Variants in KLHL3 observed in about 807,000 individuals in gnomAD.
KLHL3 encodes the protein kelch like family member 3.
In KLHL3, 19 loss-of-function variants were observed where a neutral mutation model predicts 70.5. The observed-to-expected ratio is 0.27, with a 90% CI of 0.19 to 0.40. The LOEUF (loss-of-function observed/expected upper bound fraction) is 0.40, where lower values mean the gene tolerates loss of function less well. Among genes scored for constraint, KLHL3 ranks in the 10% least tolerant of loss-of-function variants. KLHL3 has a pLI of 1.00. For missense variants in KLHL3, 512 were observed against 771.1 expected (o/e 0.66, Z 3.98); for synonymous variants, 258 against 290.3 (o/e 0.89, Z 1.13).
chr5:137,647,132 C>T lies in KLHL3; in HGVS notation c.904-7155G>A, dbSNP rs530697437. The stretch of plus-strand genomic sequence containing the variant: ...ACTGTCATTTTGAAAAGTCAAATAG[C>T]CATTTATTTTAGGAAGATTAGTGAG... On this transcript the variant is annotated intron_variant, in intron 8 of 14. Coordinates refer to ENST00000309755, the MANE Select transcript of KLHL3 (RefSeq NM_017415.3). Among the ~76,000 whole-genome samples, 109 of 152,244 alleles carry T rather than the reference C, an allele frequency of 7.2e-4. 1 individual carries two copies. The highest frequency in any genetic ancestry group is 3.1e-3 in the Admixed American group (48 of 15,284).
At chr5:137,692,474 T>A (rs1433020247) in intron 4 of KLHL3, 27 bp from the exon 5 acceptor site, 1 of 1,612,114 alleles carries the variant, frequency 6.2e-7, no homozygotes, top group Non-Finnish European at 8.5e-7. Flanking sequence ...CATTCTCAGA[T>A]ATTGGATCCC....
At chr5:137,636,473 G>C (rs73790009) in intron 11 of KLHL3, among the ~76,000 whole-genome samples, 1 of 152,118 alleles carries the variant, frequency 6.6e-6, no homozygotes, top group African/African-American at 2.4e-5. Context: ...TCTATGCTTT[G>C]GTACATTGAA....
intron 6 of KLHL3, 93 bp downstream of exon 6, chr5:137,677,452 A>AAAAAG (rs1751912149): frequency 1.3e-6 from 1 of 758,484 alleles, no homozygotes; most frequent in Admixed American, 2.5e-5. Context: ...CATCTCAAAA[A>AAAAAG]AAAAGAAAAG....
intron 5 of KLHL3, among the ~76,000 whole-genome samples, chr5:137,680,790 C>T (rs568516260): frequency 2.4e-3 from 372 of 152,174 alleles, no homozygotes; most frequent in Non-Finnish European, 3.7e-3. Context: ...ATGATCCACC[C>T]GCCTCAGTCT....
chr5:137,641,707 C>G (rs888415570), intron 8 of KLHL3, among the ~76,000 whole-genome samples: 4 of 152,198 alleles, frequency 2.6e-5, no homozygotes, highest in Admixed American at 1.3e-4. Context: ...TATTCCAGAA[C>G]AGGCTCACCC....
In KLHL3 at chr5:137,658,285, A is replaced by T; in HGVS notation, c.754-5T>A. 6.2e-7 allele frequency: 1 copy of T among 1,613,924 alleles called. No homozygotes were observed. Among genetic ancestry groups the T allele is most frequent in the Non-Finnish European group, 8.5e-7 (1 of 1,179,842 alleles). On this transcript the variant is annotated splice_region_variant and splice_polypyrimidine_tract_variant and intron_variant, in intron 7 of 14. Transcript: ENST00000309755. ...CAAAGCTTCTTCTTCAACCGTCTAG[A>T]GGTAATAATCCACAGATGATCCTGG...
At position 137,625,868 on chromosome 5, in the gene KLHL3, A is replaced by G. The variant is rs1304217409; in HGVS notation, c.1620T>C (p.Tyr540=). 3.7e-6 allele frequency: 6 copies of G among 1,614,216 alleles called. No individual in the cohort carries two copies. In the South Asian group the frequency reaches 6.6e-5, roughly 18 times the overall value. Residue 540 remains tyrosine, a synonymous_variant, in exon 14 of 15, where the codon TAT becomes TAC. Transcript: ENST00000309755. ...AGGATCCATCATCCCCTCCAACCAC[A>G]TACAGGAGCCCATTTACTGCACAGA... is the stretch of plus-strand genomic sequence containing the variant. ...AGVCAVNGLL[Y]VVGGDDGSCN... is the part of the protein sequence containing the mutation.
At chr5:137,640,219 G>A (rs1407679985) in intron 8 of KLHL3, among the ~76,000 whole-genome samples, 4 of 152,186 alleles carry the variant, frequency 2.6e-5, no homozygotes, top group African/African-American at 4.8e-5. Context: ...TGCCCCACTC[G>A]GGGCTATCTT....
At chr5:137,699,445 G>C (rs1428453548) in intron 3 of KLHL3, among the ~76,000 whole-genome samples, 1 of 152,116 alleles carries the variant, frequency 6.6e-6, no homozygotes, top group African/African-American at 2.4e-5. Flanking sequence ...GTTTTCAACA[G>C]GGAAATGACA....
chr5:137,690,852 A>C (rs986694685), intron 5 of KLHL3, among the ~76,000 whole-genome samples: 2 of 152,186 alleles, frequency 1.3e-5, no homozygotes, highest in Non-Finnish European at 2.9e-5. Flanking sequence ...GGAGACACGG[A>C]ACAGAATAGC....
At chr5:137,717,285 CAA>C (rs980080925) in intron 2 of KLHL3, among the ~76,000 whole-genome samples, 3 of 152,216 alleles carry the variant, frequency 2.0e-5, no homozygotes, top group Non-Finnish European at 4.4e-5. Flanking sequence ...AGCCAAAATG[CAA>C]AGTTACAAAA....
At chr5:137,668,023 A>C (rs114372109) in intron 6 of KLHL3, among the ~76,000 whole-genome samples, 5 of 151,748 alleles carry the variant, frequency 3.3e-5, no homozygotes, top group African/African-American at 1.2e-4. Context: ...ACTGCCAGGA[A>C]GAATAGATCT....
rs3839339 is a variant in KLHL3, at chr5:137,621,777, TACAC to T, written c.*317_*320del. 0.08 allele frequency: 23,156 copies of T among 288,036 alleles called. No homozygotes were observed. The highest frequency in any genetic ancestry group is 0.13 in the Middle Eastern group (137 of 1,060). 17.8% of individuals were successfully genotyped at this position (288,036 alleles called of 1,614,324 possible). On this transcript the variant is annotated 3_prime_UTR_variant, in exon 15 of 15. Transcript: ENST00000309755. ...AGAAACATAGAGAAACACCATGGTC[TACAC>T]ACACACACACACACACACACACTCC...
intron 2 of KLHL3, among the ~76,000 whole-genome samples, chr5:137,716,662 C>T (rs116489711): frequency 7.2e-5 from 11 of 152,292 alleles, no homozygotes; most frequent in African/African-American, 1.9e-4. Flanking sequence ...GATCAGAGGG[C>T]GGAGTTTTCA....
chr5:137,701,807 T>A (rs186183626), intron 3 of KLHL3, among the ~76,000 whole-genome samples: 1 of 152,214 alleles, frequency 6.6e-6, no homozygotes, highest in Non-Finnish European at 1.5e-5. Context: ...AGCCCTTCCA[T>A]GTTTGTGGTC....
At chr5:137,692,146 CT>C in intron 5 of KLHL3, 138 bp downstream of exon 5, 1 of 723,512 alleles carries the variant, frequency 1.4e-6, no homozygotes, top group Non-Finnish European at 2.3e-6. Context: ...CATTAATTAT[CT>C]TTCCACCTGT....
At chr5:137,731,320 T>C (rs1337255240) in intron 1 of KLHL3, among the ~76,000 whole-genome samples, 1 of 152,220 alleles carries the variant, frequency 6.6e-6, no homozygotes, top group Admixed American at 6.5e-5. Context: ...GCAGCAGTGA[T>C]GCCCAAAACT....
chr5:137,649,108 G>A (rs1334708092), intron 8 of KLHL3, among the ~76,000 whole-genome samples: 3 of 152,216 alleles, frequency 2.0e-5, no homozygotes, highest in Non-Finnish European at 4.4e-5. Flanking sequence ...AGGGCCTCGG[G>A]CCAGTCATCC....
chr5:137,634,350 C>T (rs572183819), intron 11 of KLHL3, among the ~76,000 whole-genome samples, 185 bp from the exon 12 acceptor site: 1 of 152,366 alleles, frequency 6.6e-6, no homozygotes, highest in South Asian at 2.1e-4. Flanking sequence ...TTCACATATT[C>T]TACTTGCTCT....
Sources: gnomAD v4.1 joint callset for allele counts (sites outside exome capture counted in the v4.1 genomes callset) on GRCh38, gnomAD v4.1.1 for gene constraint, MANE v1.5 for transcripts, NCBI Gene and HGNC (gene_info 2026-07-23, HGNC 2026-07-21) for gene names.